ARHGAP25: variants seen among roughly 807,000 people sequenced by gnomAD.
The protein encoded by ARHGAP25 is rho GTPase-activating protein 25.
Under a neutral mutation model 71.0 loss-of-function variants are expected in ARHGAP25, and 34 were observed. That is an observed-to-expected ratio of 0.48 (90% CI 0.36 to 0.64). ARHGAP25 has a LOEUF of 0.64. Ranked by LOEUF, ARHGAP25 falls within the 30% of genes least tolerant of loss-of-function variation. The pLI, the probability that ARHGAP25 is intolerant of heterozygous loss-of-function variation, is 0.00. For synonymous variants in ARHGAP25, 282 were observed against 296.5 expected (o/e 0.95, Z 0.50); for missense variants, 706 against 805.1 (o/e 0.88, Z 1.49).
At chr2:68,818,762 G>T (rs1340213971) in intron 8 of ARHGAP25, among the ~76,000 whole-genome samples, 1 of 152,222 alleles carries the variant, frequency 6.6e-6, no homozygotes, top group Non-Finnish European at 1.5e-5. Flanking sequence ...GCACATATTT[G>T]CTCTGTGTCT....
chr2:68,773,763 A>G (rs79673771), intron 1 of ARHGAP25, among the ~76,000 whole-genome samples: 1 of 152,336 alleles, frequency 6.6e-6, no homozygotes, highest in African/African-American at 2.4e-5. Flanking sequence ...GGGAAGTTGA[A>G]GAAGCTCTCA....
intron 1 of ARHGAP25, among the ~76,000 whole-genome samples, chr2:68,743,503 G>T (rs1675637701): frequency 6.6e-6 from 1 of 152,172 alleles, no homozygotes; most frequent in African/African-American, 2.4e-5. Flanking sequence ...GCTACCCAAA[G>T]ATTCTTGTGC....
At chr2:68,805,622 A>G (rs929918764) in intron 4 of ARHGAP25, among the ~76,000 whole-genome samples, 2 of 152,096 alleles carry the variant, frequency 1.3e-5, no homozygotes, top group East Asian at 3.9e-4. Context: ...AGGGTTTCGA[A>G]CATGATAGAG....
intron 4 of ARHGAP25, among the ~76,000 whole-genome samples, chr2:68,802,399 C>T (rs765671402): frequency 1.8e-5 from 2 of 113,446 alleles, no homozygotes; most frequent in Non-Finnish European, 3.6e-5. Flanking sequence ...CAAAGCAAGA[C>T]TCCATCTCAA....
At chr2:68,807,577 TAG>T (rs917973171) in intron 5 of ARHGAP25, 97 bp downstream of exon 5, 1 of 1,235,058 alleles carries the variant, frequency 8.1e-7, no homozygotes, top group African/African-American at 1.5e-5. Context: ...GGGACTTGCA[TAG>T]AGACTTCTAA....
At chr2:68,717,638 C>T (rs139422563) in intron 2 of ARHGAP25, among the ~76,000 whole-genome samples, 121 of 152,300 alleles carry the variant, frequency 7.9e-4, no homozygotes, top group East Asian at 6.0e-3. Context: ...AGCAGTCACT[C>T]GGCCTTTCAC....
intron 4 of ARHGAP25, among the ~76,000 whole-genome samples, chr2:68,800,754 A>G (rs1679908020): frequency 1.3e-5 from 2 of 152,214 alleles, no homozygotes; most frequent in Non-Finnish European, 2.9e-5. Context: ...TTTACTTTGT[A>G]GAGTTCTCAT....
At chr2:68,758,753 A>G (rs1676631982) in intron 1 of ARHGAP25, among the ~76,000 whole-genome samples, 1 of 151,854 alleles carries the variant, frequency 6.6e-6, no homozygotes. Context: ...CAATAAACCA[A>G]CTAGATCTAA....
chr2:68,769,902 G>A (rs781301316), intron 1 of ARHGAP25, among the ~76,000 whole-genome samples: 7 of 152,176 alleles, frequency 4.6e-5, no homozygotes, highest in East Asian at 1.9e-4. Flanking sequence ...AGAAAAAGCC[G>A]CAAAGGACTC....
At chr2:68,737,435 G>C (rs994505250) in intron 1 of ARHGAP25, among the ~76,000 whole-genome samples, 2 of 152,084 alleles carry the variant, frequency 1.3e-5, no homozygotes, top group Admixed American at 6.5e-5. Flanking sequence ...TTTTGTTGTG[G>C]GGCCTGTCCT....
rs950098490 is a variant in ARHGAP25, at chr2:68,775,749, G to T, written c.261+329G>T. ...ATTTGGGTTCAGGAAAACCGATTTT[G>T]GGACTCATTGATTTGTTTGTTCAGT... is the stretch of plus-strand genomic sequence containing the variant. On this transcript the variant is annotated intron_variant, in intron 2 of 10. Transcript: ENST00000409202. 4 of 515,870 alleles carry T rather than the reference G, an allele frequency of 7.8e-6. No individual in the cohort carries two copies. The Admixed American group carries it at 9.1e-5, about 12-fold the overall frequency. The allele number at this position is 515,870 out of a possible 1,614,324, so 32.0% of individuals were successfully genotyped here. A position where few individuals can be genotyped will look rare whatever the true frequency, so the allele number is the denominator to read the frequency against.
chr2:68,713,248 G>A (rs1674529839), intron 2 of ARHGAP25, among the ~76,000 whole-genome samples: 4 of 152,070 alleles, frequency 2.6e-5, no homozygotes, highest in Admixed American at 2.6e-4. Context: ...TGTATTCCTA[G>A]GTATTTTATT....
intron 1 of ARHGAP25, among the ~76,000 whole-genome samples, chr2:68,771,648 A>G (rs1677497568): frequency 6.6e-6 from 1 of 152,184 alleles, no homozygotes; most frequent in Admixed American, 6.5e-5. Flanking sequence ...CTTGGGATGG[A>G]AAGTGCCCCT....
intron 1 of ARHGAP25, among the ~76,000 whole-genome samples, chr2:68,744,959 A>C (rs1189808422): frequency 6.6e-6 from 1 of 152,236 alleles, no homozygotes; most frequent in African/African-American, 2.4e-5. Flanking sequence ...TTCACAGATA[A>C]AAAATAAGAT....
chr2:68,743,652 A>G (rs1470835415), intron 1 of ARHGAP25, among the ~76,000 whole-genome samples: 1 of 152,138 alleles, frequency 6.6e-6, no homozygotes, highest in Non-Finnish European at 1.5e-5. Context: ...GCAGATGTAG[A>G]GTTGTCACCT....
chr2:68,776,377 A>G (rs1677921630), intron 2 of ARHGAP25, among the ~76,000 whole-genome samples: 1 of 152,212 alleles, frequency 6.6e-6, no homozygotes, highest in African/African-American at 2.4e-5. Context: ...TTTAAATTGT[A>G]AAAAGACAGC....
intron 1 of ARHGAP25, among the ~76,000 whole-genome samples, chr2:68,740,045 AAGCTG>A (rs1168927377): frequency 2.0e-5 from 3 of 152,294 alleles, no homozygotes; most frequent in Admixed American, 2.0e-4. Context: ...GGCTGCCAGG[AAGCTG>A]AGCTAAATAT....
chr2:68,785,041 A>G (rs149896726), intron 3 of ARHGAP25, among the ~76,000 whole-genome samples: 21 of 152,326 alleles, frequency 1.4e-4, no homozygotes, highest in African/African-American at 5.1e-4. Flanking sequence ...TTGCCAGTAC[A>G]AAGTCTCTGA....
chr2:68,789,677 T>C (rs905722647), intron 4 of ARHGAP25, among the ~76,000 whole-genome samples: 6 of 152,226 alleles, frequency 3.9e-5, no homozygotes, highest in Non-Finnish European at 7.3e-5. Context: ...TTAAGCTATC[T>C]GCATAGACAA....
Sources: allele counts gnomAD v4.1 joint callset (sites outside exome capture counted in the v4.1 genomes callset), GRCh38; gene constraint gnomAD v4.1.1; transcripts MANE v1.5; gene names NCBI Gene and HGNC (gene_info 2026-07-23, HGNC 2026-07-21).